Variants in SGCD observed in about 807,000 individuals in gnomAD.
SGCD encodes the protein delta-sarcoglycan.
A neutral mutation model predicts 36.6 loss-of-function variants in SGCD; 18 were observed. That is an observed-to-expected ratio of 0.49 (90% CI 0.34 to 0.73). The LOEUF (loss-of-function observed/expected upper bound fraction) is 0.73. Among genes scored for constraint, SGCD ranks in the 30% least tolerant of loss-of-function variants. The pLI, the probability that SGCD is intolerant of heterozygous loss-of-function variation, is 0.01. For missense variants in SGCD, 387 were observed against 346.7 expected, an observed-to-expected ratio of 1.12 and a Z score of -0.92; for synonymous variants, 133 against 130.6, an observed-to-expected ratio of 1.02 and a Z score of -0.12.
chr5:155,752,254 A>C, the SGCD span, among the ~76,000 whole-genome samples: 6 of 152,206 alleles, frequency 3.9e-5, no homozygotes, highest in Admixed American at 1.3e-4. Context: ...TGATCTGATC[A>C]GTGCATGCTA....
chr5:155,896,645 CAAA>C (rs34856419), intron 1 of SGCD, among the ~76,000 whole-genome samples: 1 of 128,060 alleles, frequency 7.8e-6, no homozygotes. Flanking sequence ...GACCGTGTCT[CAAA>C]AAAAAAAAAG....
At chr5:156,004,334 A>G (rs185890689) in intron 1 of SGCD, among the ~76,000 whole-genome samples, 3 of 152,316 alleles carry the variant, frequency 2.0e-5, no homozygotes, top group Non-Finnish European at 4.4e-5. Context: ...TGCTACTACT[A>G]GTTGTAGAAA....
chr5:155,917,237 C>G (rs1232618493), intron 1 of SGCD, among the ~76,000 whole-genome samples: 1 of 152,120 alleles, frequency 6.6e-6, no homozygotes, highest in Non-Finnish European at 1.5e-5. Flanking sequence ...TCACTTACTA[C>G]TACCTAAAAG....
chr5:156,277,899 G>A (rs993037454), intron 3 of SGCD, among the ~76,000 whole-genome samples: 1 of 152,160 alleles, frequency 6.6e-6, no homozygotes, highest in Non-Finnish European at 1.5e-5. Flanking sequence ...TATGGTCCCT[G>A]ATCTCATGAA....
chr5:156,569,857 G>T (rs969366111), intron 4 of SGCD, among the ~76,000 whole-genome samples: 12 of 152,178 alleles, frequency 7.9e-5, no homozygotes, highest in African/African-American at 2.9e-4. Context: ...GGCCAATCCT[G>T]CTGGAGTAGT....
At chr5:156,353,531 TG>T (rs1338591192) in intron 3 of SGCD, among the ~76,000 whole-genome samples, 1 of 152,204 alleles carries the variant, frequency 6.6e-6, no homozygotes, top group Non-Finnish European at 1.5e-5. Context: ...GCTTAGTAAA[TG>T]GGTGAAAGTG....
chr5:156,330,293 A>G (rs1768007407), intron 2 of SGCD, among the ~76,000 whole-genome samples: 1 of 152,178 alleles, frequency 6.6e-6, no homozygotes, highest in Admixed American at 6.5e-5. Context: ...AGCATCTTGG[A>G]TAGTTTCCTA....
At chr5:155,880,691 G>T (rs145558105) in intron 1 of SGCD, among the ~76,000 whole-genome samples, 2 of 152,222 alleles carry the variant, frequency 1.3e-5, no homozygotes, top group Non-Finnish European at 2.9e-5. Context: ...GTTTTCAGTA[G>T]CTTTAACCTT....
chr5:156,741,744 T>G (rs1258031055), intron 7 of SGCD, among the ~76,000 whole-genome samples: 2 of 152,210 alleles, frequency 1.3e-5, no homozygotes, highest in African/African-American at 4.8e-5. Flanking sequence ...ATGTTTACCC[T>G]GGGAGGATGC....
intron 6 of SGCD, among the ~76,000 whole-genome samples, chr5:156,638,443 A>G (rs1762911852): frequency 6.6e-6 from 1 of 152,162 alleles, no homozygotes; most frequent in Non-Finnish European, 1.5e-5. Flanking sequence ...CACACAGTGC[A>G]TCATCTTTGA....
At chr5:156,695,639 A>G (rs139416875) in intron 7 of SGCD, among the ~76,000 whole-genome samples, 38 of 152,282 alleles carry the variant, frequency 2.5e-4, no homozygotes, top group Non-Finnish European at 4.9e-4. Flanking sequence ...TGGGTGTGTT[A>G]TATCCTATAA....
intron 7 of SGCD, among the ~76,000 whole-genome samples, chr5:156,750,964 T>C (rs1294743213): frequency 2.0e-5 from 3 of 152,328 alleles, no homozygotes; most frequent in African/African-American, 4.8e-5. Context: ...TGTCCATGGA[T>C]TGAATTTGAA....
the SGCD span, among the ~76,000 whole-genome samples, chr5:155,770,082 A>C: frequency 2.6e-5 from 4 of 151,894 alleles, no homozygotes; most frequent in African/African-American, 9.7e-5. Flanking sequence ...GCATTCATTC[A>C]TAGTGTGACT....
chr5:156,139,888 C>T (rs990895814), intron 3 of SGCD, among the ~76,000 whole-genome samples: 2 of 152,166 alleles, frequency 1.3e-5, no homozygotes, highest in African/African-American at 4.8e-5. Flanking sequence ...GAGGTTTCAT[C>T]CCTCAGGAAT....
chr5:155,995,876 G>T (rs150816728), intron 1 of SGCD, among the ~76,000 whole-genome samples: 69 of 151,148 alleles, frequency 4.6e-4, no homozygotes, highest in Non-Finnish European at 9.0e-4. Flanking sequence ...ATTTTCTGGG[G>T]ATAATGGGAA....
At chr5:155,962,351 C>G (rs1374314072) in intron 1 of SGCD, among the ~76,000 whole-genome samples, 1 of 152,044 alleles carries the variant, frequency 6.6e-6, no homozygotes, top group African/African-American at 2.4e-5. Flanking sequence ...ATCTTTATTA[C>G]TAGTCAAGGG....
the SGCD span, among the ~76,000 whole-genome samples, chr5:155,852,570 G>GTA: frequency 2.0e-5 from 3 of 152,096 alleles, no homozygotes; most frequent in African/African-American, 7.2e-5. Context: ...TGTCAAAGAA[G>GTA]TAGGAGGATG....
chr5:156,202,266 T>C (rs569934559), intron 3 of SGCD, among the ~76,000 whole-genome samples: 8 of 152,306 alleles, frequency 5.3e-5, no homozygotes, highest in African/African-American at 1.9e-4. Flanking sequence ...AATTTAGCAA[T>C]GTTCTCAGTG....
chr5:155,922,233 G>A (rs532396742), intron 1 of SGCD, among the ~76,000 whole-genome samples: 1 of 152,108 alleles, frequency 6.6e-6, no homozygotes, highest in Non-Finnish European at 1.5e-5. Flanking sequence ...AGGTCTTTGA[G>A]GTGACCTAGA....
Sources: allele counts gnomAD v4.1 joint callset (sites outside exome capture counted in the v4.1 genomes callset), GRCh38; gene constraint gnomAD v4.1.1; transcripts MANE v1.5; gene names NCBI Gene and HGNC (gene_info 2026-07-23, HGNC 2026-07-21).